Variants in UBE2U observed in about 807,000 individuals in gnomAD.
The protein encoded by UBE2U is ubiquitin conjugating enzyme E2 U.
Under a neutral mutation model 41.2 loss-of-function variants are expected in UBE2U, and 39 were observed. The ratio of observed to expected loss-of-function variants is 0.95; its 90% CI spans 0.73 to 1.24. UBE2U has a LOEUF of 1.24. Among genes scored for constraint, UBE2U ranks in the 50% most tolerant of loss-of-function variants. The pLI is 0.00. For missense variants in UBE2U, 336 were observed against 363.1 expected (o/e 0.93, Z 0.61); for synonymous variants, 107 against 117.8 (o/e 0.91, Z 0.60).
At chr1:64,261,025 C>T (rs1645172952) in intron 9 of UBE2U, among the ~76,000 whole-genome samples, 1 of 152,150 alleles carries the variant, frequency 6.6e-6, no homozygotes. Flanking sequence ...AAACTGATCC[C>T]TAAAACTCAT....
intron 9 of UBE2U, among the ~76,000 whole-genome samples, chr1:64,264,982 G>T (rs757678481): frequency 1.3e-5 from 2 of 151,784 alleles, no homozygotes; most frequent in Non-Finnish European, 2.9e-5. Flanking sequence ...TAAAATAAAA[G>T]AAATGGCATG....
chr1:64,261,188 C>T (rs1457125827), intron 9 of UBE2U, among the ~76,000 whole-genome samples: 1 of 152,100 alleles, frequency 6.6e-6, no homozygotes, highest in Non-Finnish European at 1.5e-5. Context: ...TGGAAGTCAG[C>T]TGGTATAGAG....
chr1:64,239,162 A>AGAAGAAGAAG (rs1644774134), intron 7 of UBE2U, among the ~76,000 whole-genome samples: 1 of 48,990 alleles, frequency 2.0e-5, no homozygotes. Context: ...AGAAGAAAGA[A>AGAAGAAGAAG]GAAGAAGAAG....
At chr1:64,215,821 T>G (rs1018685241) in intron 5 of UBE2U, among the ~76,000 whole-genome samples, 12 of 151,650 alleles carry the variant, frequency 7.9e-5, no homozygotes, top group African/African-American at 2.9e-4. Flanking sequence ...CCCTGTGCGC[T>G]CTCTCTCTCT....
intron 6 of UBE2U, among the ~76,000 whole-genome samples, chr1:64,224,647 C>T (rs1385066983): frequency 6.6e-6 from 1 of 151,254 alleles, no homozygotes; most frequent in Non-Finnish European, 1.5e-5. Context: ...CGCTTGAACC[C>T]GGGAGGTGGA....
chr1:64,209,077 A>AT (rs1391552266), intron 3 of UBE2U, among the ~76,000 whole-genome samples: 21 of 152,296 alleles, frequency 1.4e-4, no homozygotes, highest in Middle Eastern at 6.8e-3. Context: ...TTTACATTAG[A>AT]TTTTTTATGT....
chr1:64,232,164 T>A (rs1223416676), intron 6 of UBE2U, among the ~76,000 whole-genome samples: 1 of 152,236 alleles, frequency 6.6e-6, no homozygotes, highest in Non-Finnish European at 1.5e-5. Flanking sequence ...AAGGGTTTTT[T>A]ACTAGAATTT....
At chr1:64,217,186 A>G (rs72918837) in intron 5 of UBE2U, among the ~76,000 whole-genome samples, 2,638 of 152,308 alleles carry the variant, frequency 0.017, 89 homozygotes, top group African/African-American at 0.06. Context: ...TCTATTACTA[A>G]AGGTATTCTT....
chr1:64,235,508 A>C (rs1208769776), intron 7 of UBE2U, among the ~76,000 whole-genome samples: 1 of 152,246 alleles, frequency 6.6e-6, no homozygotes, highest in East Asian at 1.9e-4. Flanking sequence ...ATTTCCTGGC[A>C]ATAATAAAGA....
intron 8 of UBE2U, among the ~76,000 whole-genome samples, chr1:64,245,057 G>T (rs1437912012): frequency 6.6e-6 from 1 of 152,072 alleles, no homozygotes; most frequent in East Asian, 1.9e-4. Context: ...AAATGTAAAT[G>T]GCTTTCATGA....
rs920893424 is a variant in UBE2U, at chr1:64,220,855, A to G, written c.458-4A>G. On this transcript the variant is annotated splice_region_variant and splice_polypyrimidine_tract_variant and intron_variant, in intron 5 of 9. Transcript: ENST00000371077. Reference sequence around the variant, plus strand: ...CAGAATCCTTTCATATTTTTTCTTTATAGTGAAAGATGACAGCCAGGAGTT... The same window carrying G: ...CAGAATCCTTTCATATTTTTTCTTTGTAGTGAAAGATGACAGCCAGGAGTT... 3 of 1,604,304 alleles carry G rather than the reference A, an allele frequency of 1.9e-6. No homozygotes were observed. The highest frequency in any genetic ancestry group is 2.7e-5 in the African/African-American group (2 of 74,330).
At chr1:64,221,193 C>G (rs1209063777) in intron 6 of UBE2U, among the ~76,000 whole-genome samples, 1 of 152,114 alleles carries the variant, frequency 6.6e-6, no homozygotes, top group African/African-American at 2.4e-5. Context: ...CTCACCACAA[C>G]CTCAGCCTCC....
intron 4 of UBE2U, among the ~76,000 whole-genome samples, chr1:64,212,068 A>C (rs1651698740): frequency 6.6e-6 from 1 of 152,228 alleles, no homozygotes; most frequent in Admixed American, 6.5e-5. Flanking sequence ...TATAATCTTT[A>C]GGAAAGATTC....
At chr1:64,228,176 G>T (rs936805488) in intron 6 of UBE2U, among the ~76,000 whole-genome samples, 1 of 152,122 alleles carries the variant, frequency 6.6e-6, no homozygotes, top group Non-Finnish European at 1.5e-5. Context: ...ACTAGAAAAC[G>T]ACTATAACTT....
chr1:64,207,373 A>G (rs891407610), intron 3 of UBE2U, among the ~76,000 whole-genome samples: 3 of 151,878 alleles, frequency 2.0e-5, no homozygotes, highest in African/African-American at 7.3e-5. Flanking sequence ...CTGGTCTTGA[A>G]CTCCTGACCA....
At chr1:64,205,015 TAGAG>T (rs140725330) in intron 1 of UBE2U, among the ~76,000 whole-genome samples, 3 of 152,270 alleles carry the variant, frequency 2.0e-5, no homozygotes, top group South Asian at 4.1e-4. Flanking sequence ...ATATAGATAA[TAGAG>T]AGACAGGGCT....
chr1:64,232,608 G>C lies in UBE2U; in HGVS notation c.554G>C (p.Arg185Thr), dbSNP rs905597281. ...SFSDYYQTWS[R>T]IATSKATEYY... ...AGTGATTACTACCAGACATGGTCCA[G>C]AATAGCTACATCAAAAGCCACAGAA... The change falls in exon 7 of 10, where the codon AGA becomes ACA. Residue 185 changes from arginine (R) to threonine (T), a missense_variant. By Grantham distance (71) the Arg-to-Thr change is moderately conservative (BLOSUM62 -1). Coordinates refer to ENST00000371077, the MANE Select transcript of UBE2U (RefSeq NM_001366232.2). 3 of 1,613,432 alleles carry C rather than the reference G, an allele frequency of 1.9e-6. No individual in the cohort carries two copies. The highest frequency in any genetic ancestry group is 1.6e-4 in the Middle Eastern group (1 of 6,080).
At chr1:64,221,633 C>A (rs1406806572) in intron 6 of UBE2U, among the ~76,000 whole-genome samples, 1 of 152,296 alleles carries the variant, frequency 6.6e-6, no homozygotes, top group South Asian at 2.1e-4. Flanking sequence ...GGCCTAGAAA[C>A]ACACATACGG....
chr1:64,222,462 C>G (rs1261226983), intron 6 of UBE2U, among the ~76,000 whole-genome samples: 1 of 152,186 alleles, frequency 6.6e-6, no homozygotes, highest in Non-Finnish European at 1.5e-5. Context: ...GTCCTCTGAG[C>G]CAAACCAAGG....
Sources: gnomAD v4.1 joint callset for allele counts (sites outside exome capture counted in the v4.1 genomes callset) on GRCh38, gnomAD v4.1.1 for gene constraint, MANE v1.5 for transcripts, NCBI Gene and HGNC (gene_info 2026-07-23, HGNC 2026-07-21) for gene names.